Variants in PLA2G4A observed in about 807,000 individuals in gnomAD.
PLA2G4A encodes cytosolic phospholipase A2.
PLA2G4A carries 40 observed loss-of-function variants against 81.9 expected under a neutral mutation model. That is an observed-to-expected ratio of 0.49 (90% CI 0.38 to 0.64). The LOEUF is 0.64. Ranked by LOEUF, PLA2G4A falls within the 30% of genes least tolerant of loss-of-function variation. The pLI, the probability that PLA2G4A is intolerant of heterozygous loss-of-function variation, is 0.00. For missense variants in PLA2G4A, 715 were observed against 905.1 expected, an observed-to-expected ratio of 0.79 and a Z score of 2.69; for synonymous variants, 302 against 296.9, an observed-to-expected ratio of 1.02 and a Z score of -0.18.
chr1:186,894,007 T>C (rs1654242774), intron 4 of PLA2G4A, 91 bp from the exon 5 acceptor site: 1 of 732,438 alleles, frequency 1.4e-6, no homozygotes, highest in Non-Finnish European at 2.5e-6. Context: ...ATTTGAGAGC[T>C]TCATTTTTTT....
intron 9 of PLA2G4A, among the ~76,000 whole-genome samples, 160 bp from the exon 10 acceptor site, chr1:186,939,819 AT>A (rs1241952338): frequency 3.3e-5 from 5 of 152,108 alleles, no homozygotes; most frequent in Non-Finnish European, 7.4e-5. Context: ...CATAGAGCTT[AT>A]TTTTTGTTGT....
intron 7 of PLA2G4A, among the ~76,000 whole-genome samples, chr1:186,923,234 G>C (rs1032235018): frequency 6.6e-6 from 1 of 152,064 alleles, no homozygotes; most frequent in Non-Finnish European, 1.5e-5. Context: ...TATCATGTCA[G>C]GCTAATTAGT....
chr1:186,937,276 AG>A (rs1249844179), intron 8 of PLA2G4A, among the ~76,000 whole-genome samples: 1 of 148,514 alleles, frequency 6.7e-6, no homozygotes, highest in Non-Finnish European at 1.5e-5. Flanking sequence ...AGAGAGAGAG[AG>A]AACACCAGAT....
intron 1 of PLA2G4A, among the ~76,000 whole-genome samples, chr1:186,846,346 G>T (rs1652173968): frequency 6.6e-6 from 1 of 152,132 alleles, no homozygotes; most frequent in Non-Finnish European, 1.5e-5. Flanking sequence ...TTTCTTCATA[G>T]GAGGTCTTTG....
chr1:186,915,478 A>AG (rs897908434), intron 7 of PLA2G4A, among the ~76,000 whole-genome samples: 4 of 152,138 alleles, frequency 2.6e-5, no homozygotes, highest in African/African-American at 9.7e-5. Context: ...TGATTCTCTC[A>AG]GGGGGCCATT....
chr1:186,980,085 C>G (rs1330903067), intron 17 of PLA2G4A, among the ~76,000 whole-genome samples: 5 of 151,472 alleles, frequency 3.3e-5, no homozygotes, highest in South Asian at 4.2e-4. Flanking sequence ...GTAGCTGGGA[C>G]TACAGGCGCC....
intron 5 of PLA2G4A, among the ~76,000 whole-genome samples, chr1:186,899,165 A>C (rs1437182907): frequency 6.6e-6 from 1 of 152,210 alleles, no homozygotes; most frequent in East Asian, 1.9e-4. Context: ...AGGGGTCACA[A>C]AGGCAGTTCC....
intron 15 of PLA2G4A, among the ~76,000 whole-genome samples, chr1:186,976,419 C>A (rs1657531800): frequency 6.6e-6 from 1 of 151,978 alleles, no homozygotes; most frequent in Non-Finnish European, 1.5e-5. Flanking sequence ...TCTTTACTGG[C>A]ATTTATTTAT....
chr1:186,861,244 A>G (rs1652786309), intron 2 of PLA2G4A, among the ~76,000 whole-genome samples: 3 of 152,176 alleles, frequency 2.0e-5, no homozygotes. Flanking sequence ...CCTATGTCAC[A>G]GTCTATGGAG....
At chr1:186,944,347 A>T (rs1656262238) in intron 10 of PLA2G4A, among the ~76,000 whole-genome samples, 1 of 152,144 alleles carries the variant, frequency 6.6e-6, no homozygotes, top group South Asian at 2.1e-4. Context: ...GCTTTTGAGA[A>T]TGCCTAAGTT....
chr1:186,930,723 C>T (rs758444187), intron 7 of PLA2G4A, among the ~76,000 whole-genome samples: 7 of 152,074 alleles, frequency 4.6e-5, no homozygotes, highest in Non-Finnish European at 7.4e-5. Flanking sequence ...ATAAGAACAA[C>T]CTATCTTTTA....
Position 186,911,255 on chromosome 1 carries a change from C to T in PLA2G4A, c.424C>T (p.Pro142Ser). 6.2e-7 allele frequency: 1 copy of T among 1,613,242 alleles called. No homozygotes were observed. Among genetic ancestry groups the T allele is most frequent in the Non-Finnish European group, 8.5e-7 (1 of 1,179,276 alleles). Residue 142 changes from proline (P) to serine (S), a missense_variant, in exon 7 of 18, where the codon CCA becomes TCA. Pro to Ser is a moderately conservative substitution (Grantham distance 74). Transcript: ENST00000367466. ...LEMSLEVCSC[P>S]DLRFSMALCD... ...ATCTGTTTGGTATTACAGCTCATGC[C>T]CAGACCTACGATTTAGTATGGCTCT...
intron 7 of PLA2G4A, among the ~76,000 whole-genome samples, chr1:186,920,130 G>T (rs967758914): frequency 2.0e-5 from 3 of 152,122 alleles, no homozygotes; most frequent in African/African-American, 7.2e-5. Flanking sequence ...CTCTTGGCCT[G>T]GCTCGGTTAG....
intron 3 of PLA2G4A, among the ~76,000 whole-genome samples, chr1:186,889,638 G>A (rs191203355): frequency 1.3e-3 from 199 of 152,274 alleles, no homozygotes; most frequent in African/African-American, 4.5e-3. Context: ...CATTGATTAC[G>A]TTTTTTGATG....
chr1:186,987,194 A>T (rs1024319217), intron 17 of PLA2G4A, among the ~76,000 whole-genome samples: 1 of 152,248 alleles, frequency 6.6e-6, no homozygotes, highest in African/African-American at 2.4e-5. Context: ...TGGTGCAAAC[A>T]TGATCTCCTT....
At chr1:186,870,289 T>G (rs1653209650) in intron 2 of PLA2G4A, 146 bp from the exon 3 acceptor site, 5 of 683,010 alleles carry the variant, frequency 7.3e-6, no homozygotes, top group Non-Finnish European at 1.1e-5. Flanking sequence ...GAGAAGAGAG[T>G]CAAAAAAGAA....
chr1:186,829,404 A>G (rs749478999), intron 1 of PLA2G4A, among the ~76,000 whole-genome samples: 13 of 152,238 alleles, frequency 8.5e-5, no homozygotes, highest in Admixed American at 1.3e-4. Context: ...GAGCAGCAGC[A>G]TGCTGTGCTG....
intron 8 of PLA2G4A, among the ~76,000 whole-genome samples, chr1:186,936,538 T>G (rs1655952863): frequency 6.6e-6 from 1 of 151,964 alleles, no homozygotes. Flanking sequence ...ATGTTGAGGG[T>G]CTTCTCAAGT....
chr1:186,863,023 G>A (rs946601715), intron 2 of PLA2G4A, among the ~76,000 whole-genome samples: 8 of 152,178 alleles, frequency 5.3e-5, no homozygotes, highest in Admixed American at 5.2e-4. Flanking sequence ...TAGATATTTG[G>A]GCAGTTGTTT....
Sources: gnomAD v4.1 joint callset for allele counts (sites outside exome capture counted in the v4.1 genomes callset) on GRCh38, gnomAD v4.1.1 for gene constraint, MANE v1.5 for transcripts, NCBI Gene and HGNC (gene_info 2026-07-23, HGNC 2026-07-21) for gene names.